Variants in CADM1 observed in about 807,000 individuals in gnomAD.
CADM1 encodes cell adhesion molecule 1, also known as TSLC-1.
CADM1 carries 15 observed loss-of-function variants against 53.1 expected under a neutral mutation model. The ratio of observed to expected loss-of-function variants is 0.28; its 90% CI spans 0.19 to 0.44. The LOEUF is 0.44. Among genes scored for constraint, CADM1 ranks in the 20% least tolerant of loss-of-function variants. CADM1 has a pLI of 1.00. For missense variants in CADM1, 434 were observed against 611.3 expected (o/e 0.71, Z 3.06); for synonymous variants, 281 against 243.0 (o/e 1.16, Z -1.45).
At chr11:115,361,824 A>C (rs535211119) in intron 1 of CADM1, among the ~76,000 whole-genome samples, 70 of 152,052 alleles carry the variant, frequency 4.6e-4, no homozygotes, top group African/African-American at 1.4e-3. Context: ...CCTCCTGGGC[A>C]CAAGTAATCC....
intron 1 of CADM1, among the ~76,000 whole-genome samples, chr11:115,300,565 A>T (rs563063938): frequency 1.3e-4 from 20 of 152,290 alleles, no homozygotes; most frequent in African/African-American, 4.8e-4. Context: ...CATACTATCG[A>T]AATTCTGTCC....
intron 1 of CADM1, among the ~76,000 whole-genome samples, chr11:115,295,539 T>TA (rs1565349391): frequency 4.2e-5 from 4 of 94,544 alleles, no homozygotes; most frequent in Non-Finnish European, 3.6e-5. Flanking sequence ...TATATATATA[T>TA]ATATATATAT....
At chr11:115,306,834 T>C (rs185663541) in intron 1 of CADM1, among the ~76,000 whole-genome samples, 2 of 152,138 alleles carry the variant, frequency 1.3e-5, no homozygotes, top group Admixed American at 6.6e-5. Context: ...TCCAAACATA[T>C]AGACATGCAA....
chr11:115,199,572 A>G (rs879738673), intron 8 of CADM1, among the ~76,000 whole-genome samples: 2 of 152,188 alleles, frequency 1.3e-5, no homozygotes, highest in Non-Finnish European at 2.9e-5. Flanking sequence ...AGTGGAATAA[A>G]TATCTAACAA....
At chr11:115,414,068 C>A (rs1003843487) in intron 1 of CADM1, among the ~76,000 whole-genome samples, 1 of 152,082 alleles carries the variant, frequency 6.6e-6, no homozygotes, top group African/African-American at 2.4e-5. Context: ...TATATACACA[C>A]ACACACAAAG....
In CADM1 at chr11:115,504,330, G is replaced by A. The variant is rs1320638502; in HGVS notation, c.65C>T (p.Pro22Leu). ...CAAAAAAAAP[P>L]GLRLRLLLLL... ...CAGCAGAAGCCGGAGCCGGAGCCCG[G>A]GAGGCGCCGCCGCCGCCGCTGCCGC... Residue 22 changes from proline (P) to leucine (L), a missense_variant, in exon 1 of 12, where the codon CCC becomes CTC. Coordinates refer to ENST00000331581, the MANE Select transcript of CADM1 (RefSeq NM_001301043.2). 2 of 1,552,018 alleles carry A rather than the reference G, an allele frequency of 1.3e-6. No individual in the cohort carries two copies. The highest frequency in any genetic ancestry group is 1.2e-5 in the South Asian group (1 of 84,150).
intron 1 of CADM1, among the ~76,000 whole-genome samples, chr11:115,336,660 C>A (rs183225585): frequency 1.3e-5 from 2 of 152,144 alleles, no homozygotes; most frequent in African/African-American, 2.4e-5. Context: ...TAAGTTCTTT[C>A]CTGATGTGTT....
At chr11:115,234,615 G>T (rs1941945051) in intron 3 of CADM1, among the ~76,000 whole-genome samples, 1 of 152,096 alleles carries the variant, frequency 6.6e-6, no homozygotes, top group African/African-American at 2.4e-5. Flanking sequence ...ATGTGCCCAG[G>T]TTTGAAGTGG....
chr11:115,254,830 G>C (rs959468194), intron 1 of CADM1, among the ~76,000 whole-genome samples: 5 of 152,166 alleles, frequency 3.3e-5, no homozygotes, highest in African/African-American at 1.2e-4. Flanking sequence ...GATATTGAAT[G>C]ACATTGCATG....
chr11:115,188,878 C>CA (rs1324399927), intron 10 of CADM1, among the ~76,000 whole-genome samples: 2 of 147,244 alleles, frequency 1.4e-5, no homozygotes, highest in Non-Finnish European at 3.0e-5. Context: ...AACACTATGA[C>CA]AGCTGCTCAA....
intron 1 of CADM1, among the ~76,000 whole-genome samples, chr11:115,349,740 A>G (rs1379177016): frequency 6.6e-6 from 1 of 152,210 alleles, no homozygotes; most frequent in Non-Finnish European, 1.5e-5. Context: ...TTGACAGACA[A>G]GAAGATCCCA....
intron 1 of CADM1, among the ~76,000 whole-genome samples, chr11:115,370,063 A>G (rs1428279991): frequency 6.6e-6 from 1 of 152,222 alleles, no homozygotes; most frequent in Non-Finnish European, 1.5e-5. Flanking sequence ...ATTCAAGCTG[A>G]TAATTTTGCT....
chr11:115,326,693 T>G (rs2135201499), intron 1 of CADM1, among the ~76,000 whole-genome samples: 1 of 152,308 alleles, frequency 6.6e-6, no homozygotes, highest in South Asian at 2.1e-4. Flanking sequence ...GTACTAAATG[T>G]CAGTTGGTAG....
At chr11:115,227,687 C>T (rs1232421025) in intron 5 of CADM1, among the ~76,000 whole-genome samples, 1 of 151,938 alleles carries the variant, frequency 6.6e-6, no homozygotes, top group Non-Finnish European at 1.5e-5. Context: ...AGCATGATGC[C>T]CATATTGAAG....
chr11:115,424,300 G>A (rs1303803715), intron 1 of CADM1, among the ~76,000 whole-genome samples: 1 of 152,132 alleles, frequency 6.6e-6, no homozygotes, highest in African/African-American at 2.4e-5. Context: ...ACAGGTCTCT[G>A]ACAAGCACAG....
chr11:115,217,954 T>C lies in CADM1; in HGVS notation c.759A>G (p.Leu253=), dbSNP rs530669537. Residue 253 remains leucine (L), a synonymous_variant, in exon 6 of 12, where the codon CTA becomes CTG. Coordinates refer to ENST00000331581, the MANE Select transcript of CADM1 (RefSeq NM_001301043.2). ...PQVHIQMTYP[L]QGLTREGDAL... Reference sequence around the variant, plus strand: ...CGTCCCCTTCCCGGGTTAAGCCTTGTAGAGGATAAGTCATCTGAATGTGCA... The same window carrying C: ...CGTCCCCTTCCCGGGTTAAGCCTTGCAGAGGATAAGTCATCTGAATGTGCA... 1.2e-5 allele frequency: 20 copies of C among 1,613,590 alleles called. No homozygotes were observed. The South Asian group carries it at 2.1e-4, about 17-fold the overall frequency.
intron 1 of CADM1, among the ~76,000 whole-genome samples, chr11:115,393,909 T>C (rs1328922703): frequency 6.6e-6 from 1 of 151,652 alleles, no homozygotes; most frequent in African/African-American, 2.4e-5. Flanking sequence ...CGGTAATAAA[T>C]CATCTGCTAT....
chr11:115,444,334 T>C (rs1948398470), intron 1 of CADM1, among the ~76,000 whole-genome samples: 2 of 152,154 alleles, frequency 1.3e-5, no homozygotes. Flanking sequence ...TGGAATATGG[T>C]ATAGTTTACT....
chr11:115,368,110 C>G (rs1370424620), intron 1 of CADM1, among the ~76,000 whole-genome samples: 3 of 61,876 alleles, frequency 4.8e-5, no homozygotes. Context: ...TCACTAGAGT[C>G]TTTTTTTTTT....
Sources: allele counts gnomAD v4.1 joint callset (sites outside exome capture counted in the v4.1 genomes callset), GRCh38; gene constraint gnomAD v4.1.1; transcripts MANE v1.5; gene names NCBI Gene and HGNC (gene_info 2026-07-23, HGNC 2026-07-21).